LPP: variants seen among roughly 807,000 people sequenced by gnomAD.
LPP encodes the protein lipoma-preferred partner.
In LPP, 38 loss-of-function variants were observed where a neutral mutation model predicts 60.4. That is an observed-to-expected ratio of 0.63 (90% CI 0.49 to 0.83). LPP has a LOEUF of 0.83. LPP is among the 40% of genes least tolerant of loss of function. The pLI is 0.00. For synonymous variants in LPP, 328 were observed against 290.8 expected (o/e 1.13, Z -1.30); for missense variants, 902 against 783.6 (o/e 1.15, Z -1.80).
intron 2 of LPP, among the ~76,000 whole-genome samples, chr3:188,248,374 C>T (rs564293867): frequency 4.0e-5 from 6 of 149,940 alleles, no homozygotes; most frequent in South Asian, 2.1e-4. Flanking sequence ...CTTTTAAAAG[C>T]GTGTGCAATA....
intron 7 of LPP, among the ~76,000 whole-genome samples, chr3:188,694,422 G>A (rs1862761859): frequency 6.6e-6 from 1 of 152,150 alleles, no homozygotes; most frequent in Non-Finnish European, 1.5e-5. Context: ...GACCATGTCG[G>A]CCGGGCATGG....
intron 1 of LPP, among the ~76,000 whole-genome samples, chr3:188,164,502 T>G (rs1022810951): frequency 6.6e-6 from 1 of 152,240 alleles, no homozygotes; most frequent in Non-Finnish European, 1.5e-5. Context: ...ATAACTTGGT[T>G]GGCACCTGGA....
intron 9 of LPP, among the ~76,000 whole-genome samples, chr3:188,862,493 G>A (rs1409553108): frequency 6.6e-6 from 1 of 152,018 alleles, no homozygotes; most frequent in Non-Finnish European, 1.5e-5. Flanking sequence ...TCTAAGCAAA[G>A]TAGAATACAA....
intron 6 of LPP, among the ~76,000 whole-genome samples, chr3:188,536,710 A>G (rs1010969510): frequency 6.6e-6 from 1 of 152,192 alleles, no homozygotes; most frequent in Non-Finnish European, 1.5e-5. Flanking sequence ...GGTTAAAAAG[A>G]TATAATATTT....
At chr3:188,830,084 A>G (rs769979505) in intron 9 of LPP, among the ~76,000 whole-genome samples, 1 of 151,992 alleles carries the variant, frequency 6.6e-6, no homozygotes, top group Non-Finnish European at 1.5e-5. Flanking sequence ...AATGTAAGAG[A>G]TATGAAATAA....
At chr3:188,527,574 A>AT (rs778878534) in intron 6 of LPP, among the ~76,000 whole-genome samples, 3 of 152,052 alleles carry the variant, frequency 2.0e-5, no homozygotes, top group Non-Finnish European at 4.4e-5. Context: ...GGTCAGAAAA[A>AT]TGTTCTCCAG....
chr3:188,659,979 T>C (rs1251607432), intron 7 of LPP, among the ~76,000 whole-genome samples: 1 of 152,100 alleles, frequency 6.6e-6, no homozygotes, highest in Non-Finnish European at 1.5e-5. Flanking sequence ...GTGAGCTTAT[T>C]CTGAACTACA....
At position 188,727,013 on chromosome 3, in the gene LPP, G is replaced by A. The variant is rs990401972; in HGVS notation, c.1240+18620G>A. ...AGTTTAGGCAGAAAAACCTTCAGCCGAGCAAGGAAGTCAGTTATTCAAGGA... is the reference window on the plus strand; with the variant it reads ...AGTTTAGGCAGAAAAACCTTCAGCCAAGCAAGGAAGTCAGTTATTCAAGGA... On this transcript the variant is annotated intron_variant, in intron 8 of 11. Coordinates refer to ENST00000617246, the MANE Select transcript of LPP (RefSeq NM_001375462.1). 9.9e-5 allele frequency among the ~76,000 whole-genome samples: 15 copies of A among 152,216 alleles called. 1 individual carries two copies. In the Middle Eastern group the frequency reaches 0.014, roughly 138 times the overall value.
intron 3 of LPP, among the ~76,000 whole-genome samples, chr3:188,389,289 A>G (rs2148661630): frequency 6.6e-6 from 1 of 152,252 alleles, no homozygotes; most frequent in Middle Eastern, 3.4e-3. Flanking sequence ...ACCCCAGTAC[A>G]GACTAATAGG....
chr3:188,415,795 T>G lies in LPP; in HGVS notation c.193+9482T>G, dbSNP rs371997030. 9.2e-5 allele frequency among the ~76,000 whole-genome samples: 14 copies of G among 152,052 alleles called. 1 individual carries two copies. The East Asian group carries it at 2.5e-3, about 27-fold the overall frequency. On this transcript the variant is annotated intron_variant, in intron 4 of 11. Coordinates refer to ENST00000617246, the MANE Select transcript of LPP (RefSeq NM_001375462.1). ...TGGGTCGGGGGGGGGCAAGTACTGG[T>G]CATTCCTACAAAGAGGACGCAGCAA...
intron 7 of LPP, among the ~76,000 whole-genome samples, chr3:188,668,925 C>T (rs1478817276): frequency 6.6e-6 from 1 of 152,134 alleles, no homozygotes; most frequent in Non-Finnish European, 1.5e-5. Flanking sequence ...TAACCTTGTG[C>T]ATTACTTGAA....
intron 6 of LPP, among the ~76,000 whole-genome samples, chr3:188,578,143 C>T (rs1029957921): frequency 1.3e-5 from 2 of 152,076 alleles, no homozygotes; most frequent in Admixed American, 1.3e-4. Flanking sequence ...GCCTACTACC[C>T]TGAAGAGAGA....
At chr3:188,337,799 CCA>C (rs1363938876) in intron 2 of LPP, among the ~76,000 whole-genome samples, 1 of 152,138 alleles carries the variant, frequency 6.6e-6, no homozygotes, top group Non-Finnish European at 1.5e-5. Context: ...CGTGCCTGGC[CCA>C]GTTATTTTTG....
At chr3:188,161,374 C>G (rs1718223483) in intron 1 of LPP, among the ~76,000 whole-genome samples, 1 of 152,172 alleles carries the variant, frequency 6.6e-6, no homozygotes, top group African/African-American at 2.4e-5. Flanking sequence ...AAACTGTTTG[C>G]TGCTAGAATA....
intron 5 of LPP, among the ~76,000 whole-genome samples, chr3:188,503,015 A>G (rs1042431487): frequency 6.6e-6 from 1 of 151,986 alleles, no homozygotes; most frequent in Non-Finnish European, 1.5e-5. Context: ...AACCATTTAT[A>G]TTTATTTTCT....
chr3:188,523,501 A>C (rs1194916592), intron 5 of LPP, among the ~76,000 whole-genome samples: 1 of 152,232 alleles, frequency 6.6e-6, no homozygotes. Flanking sequence ...TTCACAGGCC[A>C]TTACCCTTTA....
intron 9 of LPP, among the ~76,000 whole-genome samples, chr3:188,763,514 AGTTT>A (rs1733091155): frequency 6.6e-6 from 1 of 152,020 alleles, no homozygotes. Flanking sequence ...TGGTTTATTG[AGTTT>A]GTTCTTAATC....
chr3:188,176,982 A>G lies in LPP; in HGVS notation c.-190+22730A>G, dbSNP rs1723223237. 3.3e-5 allele frequency among the ~76,000 whole-genome samples: 5 copies of G among 152,252 alleles called. No individual in the cohort carries two copies. The South Asian group carries it at 1.0e-3, about 31-fold the overall frequency. ...TGCCCTCTCTGAGCTATAATTTGAA[A>G]TAGACTTAGCTTAAGCAACAGGAAA... On this transcript the variant is annotated intron_variant, in intron 1 of 11. Coordinates refer to ENST00000617246, the MANE Select transcript of LPP (RefSeq NM_001375462.1).
At chr3:188,274,258 A>G (rs969334184) in intron 2 of LPP, among the ~76,000 whole-genome samples, 3 of 152,188 alleles carry the variant, frequency 2.0e-5, no homozygotes, top group African/African-American at 7.2e-5. Flanking sequence ...ATAATTGCTC[A>G]AATTGTGAGT....
Sources: allele counts gnomAD v4.1 joint callset (sites outside exome capture counted in the v4.1 genomes callset), GRCh38; gene constraint gnomAD v4.1.1; transcripts MANE v1.5; gene names NCBI Gene and HGNC (gene_info 2026-07-23, HGNC 2026-07-21).